Variants in RNF38 observed in about 807,000 individuals in gnomAD.
RNF38 encodes E3 ubiquitin-protein ligase RNF38.
In RNF38, 15 loss-of-function variants were observed where a neutral mutation model predicts 67.2. The observed-to-expected ratio is 0.22, with a 90% CI of 0.15 to 0.34. The LOEUF (loss-of-function observed/expected upper bound fraction) is 0.34. Among genes scored for constraint, RNF38 ranks in the 10% least tolerant of loss-of-function variants. The probability of loss-of-function intolerance (pLI) is 1.00; values close to 1 mark genes in which losing one functional copy is unlikely to be tolerated. For synonymous variants in RNF38, 220 were observed against 218.8 expected (o/e 1.01, Z -0.05); for missense variants, 524 against 639.9 (o/e 0.82, Z 1.95).
intron 1 of RNF38, among the ~76,000 whole-genome samples, chr9:36,432,689 AG>A (rs1409506872): frequency 1.3e-5 from 2 of 152,084 alleles, no homozygotes; most frequent in African/African-American, 4.8e-5. Context: ...CCTACTCGGG[AG>A]GCTGAGGCAG....
At chr9:36,436,339 A>C (rs1423740288) in intron 1 of RNF38, among the ~76,000 whole-genome samples, 1 of 152,240 alleles carries the variant, frequency 6.6e-6, no homozygotes, top group Admixed American at 6.5e-5. Flanking sequence ...CCAAACAAGA[A>C]GAGACCTCAA....
intron 1 of RNF38, among the ~76,000 whole-genome samples, chr9:36,476,751 C>T (rs1840130354): frequency 6.6e-6 from 1 of 151,622 alleles, no homozygotes; most frequent in African/African-American, 2.4e-5. Flanking sequence ...TGGTCTCGAA[C>T]TCCTGACCTC....
intron 11 of RNF38, among the ~76,000 whole-genome samples, chr9:36,341,311 A>G (rs1459924780): frequency 1.3e-5 from 2 of 152,204 alleles, no homozygotes; most frequent in Non-Finnish European, 2.9e-5. Context: ...CTTTGTCTTC[A>G]GGATTGAGTT....
At chr9:36,391,880 T>C (rs867285555) in intron 1 of RNF38, among the ~76,000 whole-genome samples, 3 of 152,228 alleles carry the variant, frequency 2.0e-5, no homozygotes, top group South Asian at 4.1e-4. Flanking sequence ...CCCGAAGTGC[T>C]GGGATTACAG....
At chr9:36,352,939 A>G in intron 7 of RNF38, 91 bp from the exon 8 acceptor site, 1 of 967,972 alleles carries the variant, frequency 1.0e-6, no homozygotes, top group South Asian at 1.5e-5. Context: ...AGACTTAAAC[A>G]GTAAAGTTCT....
intron 3 of RNF38, chr9:36,372,525 G>C (rs949852345): frequency 1.4e-6 from 1 of 713,590 alleles, no homozygotes; most frequent in Non-Finnish European, 2.6e-6. Context: ...CTAGATTATT[G>C]TTAAAAACTG....
intron 3 of RNF38, among the ~76,000 whole-genome samples, chr9:36,373,058 T>G (rs1835502444): frequency 6.6e-6 from 1 of 152,040 alleles, no homozygotes; most frequent in Non-Finnish European, 1.5e-5. Context: ...ATACAAAACA[T>G]TAGCTGGGTG....
intron 1 of RNF38, among the ~76,000 whole-genome samples, chr9:36,472,891 A>G (rs1384821195): frequency 2.1e-5 from 1 of 46,656 alleles, no homozygotes; most frequent in Non-Finnish European, 5.0e-5. Context: ...GGATCACCTG[A>G]GGTCAGGAGG....
upstream of RNF38, among the ~76,000 whole-genome samples, chr9:36,403,241 G>A (rs73441063): frequency 0.016 from 2,444 of 152,322 alleles, 68 homozygotes; most frequent in African/African-American, 0.056. Flanking sequence ...CTTAACTACA[G>A]TCAAGCTAAA....
Position 36,357,862 on chromosome 9 carries a change from G to A in RNF38, c.651C>T (p.His217=). The change falls in exon 5 of 12, where the codon CAC becomes CAT. Residue 217 remains histidine, a synonymous_variant. Coordinates refer to ENST00000259605, the MANE Select transcript of RNF38 (RefSeq NM_022781.5). ...CCTGCTGTGTACTACAAGCAGGGATGTGCTGGCCTGTGCAGAGTGGAATCC... is the reference window on the plus strand; with the variant it reads ...CCTGCTGTGTACTACAAGCAGGGATATGCTGGCCTGTGCAGAGTGGAATCC... The part of the protein sequence containing the change: ...PHGIPLCTGQ[H]IPACSTQQVP... The A allele has an allele frequency of 2.5e-6, 4 of 1,613,910 alleles. No individual in the cohort carries two copies. The highest frequency in any genetic ancestry group is 3.4e-6 in the Non-Finnish European group (4 of 1,179,826).
At chr9:36,381,330 C>CA (rs1468790110) in intron 2 of RNF38, among the ~76,000 whole-genome samples, 2 of 152,144 alleles carry the variant, frequency 1.3e-5, no homozygotes, top group African/African-American at 4.8e-5. Context: ...ACAGAGACCC[C>CA]AGAGAAACTA....
At chr9:36,401,499 C>G (rs953893808), upstream of RNF38, among the ~76,000 whole-genome samples, 4 of 152,156 alleles carry the variant, frequency 2.6e-5, no homozygotes, top group Middle Eastern at 3.2e-3. Flanking sequence ...TTGCAGTACA[C>G]AAAGGTGTCT....
At chr9:36,371,700 C>T (rs1033828517) in intron 3 of RNF38, among the ~76,000 whole-genome samples, 12 of 152,206 alleles carry the variant, frequency 7.9e-5, no homozygotes, top group Middle Eastern at 3.4e-3. Context: ...GATCTGCCTG[C>T]CTCAGCCTCC....
chr9:36,487,058 CAG>C (rs1274940350), intron 1 of RNF38, among the ~76,000 whole-genome samples: 12 of 152,226 alleles, frequency 7.9e-5, no homozygotes. Flanking sequence ...CTCCGCCGAG[CAG>C]AGACCTAGAG....
At chr9:36,342,554 C>A (rs532609375) in intron 10 of RNF38, 130 bp from the exon 11 acceptor site, 1 of 638,380 alleles carries the variant, frequency 1.6e-6, no homozygotes. Flanking sequence ...AATTATCAAC[C>A]AATACCCTGA....
chr9:36,410,093 G>T (rs896061430), intron 2 of RNF38, among the ~76,000 whole-genome samples: 9 of 152,188 alleles, frequency 5.9e-5, no homozygotes, highest in African/African-American at 1.9e-4. Flanking sequence ...ATCATTACAT[G>T]GAATCTCTAA....
chr9:36,466,392 T>C (rs1839862945), intron 1 of RNF38, among the ~76,000 whole-genome samples: 2 of 152,176 alleles, frequency 1.3e-5, no homozygotes, highest in South Asian at 2.1e-4. Context: ...TTTGGGTAAA[T>C]TGTATATGTA....
At chr9:36,446,860 C>T (rs1277990576) in intron 1 of RNF38, among the ~76,000 whole-genome samples, 1 of 131,500 alleles carries the variant, frequency 7.6e-6, no homozygotes, top group Non-Finnish European at 1.6e-5. Context: ...GTGGCTCATG[C>T]TTGTAATCCC....
chr9:36,445,749 T>C (rs1435521556), intron 1 of RNF38, among the ~76,000 whole-genome samples: 2 of 152,256 alleles, frequency 1.3e-5, no homozygotes, highest in South Asian at 4.1e-4. Flanking sequence ...TTTTTCAATC[T>C]ACTACTTCAG....
Sources: allele counts gnomAD v4.1 joint callset (sites outside exome capture counted in the v4.1 genomes callset), GRCh38; gene constraint gnomAD v4.1.1; transcripts MANE v1.5; gene names NCBI Gene and HGNC (gene_info 2026-07-23, HGNC 2026-07-21).